The following PCDHA1 variants were observed in gnomAD, a reference collection of about 807,000 sequenced individuals.
The protein encoded by PCDHA1 is protocadherin alpha-1.
A neutral mutation model predicts 61.3 loss-of-function variants in PCDHA1; 42 were observed. That is an observed-to-expected ratio of 0.69 (90% CI 0.54 to 0.89). The LOEUF is 0.89. PCDHA1 is among the 40% of genes least tolerant of loss of function. PCDHA1 has a pLI of 0.00. For synonymous variants in PCDHA1, 610 were observed against 553.8 expected (o/e 1.10, Z -1.43); for missense variants, 1,256 against 1,235.3 (o/e 1.02, Z -0.25).
intron 1 of PCDHA1, chr5:140,796,302 C>A (rs782602329): frequency 6.2e-7 from 1 of 1,614,146 alleles, no homozygotes; most frequent in Admixed American, 1.7e-5. Flanking sequence ...TCGAGGTGGC[C>A]GACGTGAACG....
At position 140,787,147 on chromosome 5, in the gene PCDHA1, C is replaced by T; in HGVS notation, c.857C>T (p.Ser286Phe). The change falls in exon 1 of 4, where the codon TCT becomes TTT. Residue 286 changes from serine (S) to phenylalanine (F), a missense_variant. By Grantham distance (155) the Ser-to-Phe change is radical. Transcript: ENST00000504120. ...GTCTTTTCCTTTGACAGTGGTATTT[C>T]TCGTGACATTCAAGAAAAATTCAAA... ...EVVFSFDSGI[S>F]RDIQEKFKVD... 1 of 1,613,888 alleles carries T rather than the reference C, an allele frequency of 6.2e-7. No homozygotes were observed. Among genetic ancestry groups the T allele is most frequent in the Non-Finnish European group, 8.5e-7 (1 of 1,179,934 alleles).
At position 140,802,792 on chromosome 5, in the gene PCDHA1, A is replaced by G. The variant is rs375690529; in HGVS notation, c.2394+14108A>G. ...GACCACGAGGAGCTAGAGCTGCTGC[A>G]GTTCCAGGTGAGTGCGCGCGATGCG... is the stretch of plus-strand genomic sequence containing the variant. On this transcript the variant is annotated intron_variant, in intron 1 of 3. Coordinates refer to ENST00000504120, the MANE Select transcript of PCDHA1 (RefSeq NM_018900.4). 1 of 1,613,318 alleles carries G rather than the reference A, an allele frequency of 6.2e-7. No homozygotes were observed. The highest frequency in any genetic ancestry group is 1.3e-5 in the African/African-American group (1 of 74,924).
In PCDHA1 at chr5:140,941,202, C is replaced by CCCTTCTTTCTTTCTTTCTTT; in HGVS notation, c.2395-37746_2395-37745insCTTCTTTCTTTCTTTCTTTC. Among the ~76,000 whole-genome samples, 3 of 122,832 alleles carry CCCTTCTTTCTTTCTTTCTTT rather than the reference C, an allele frequency of 2.4e-5. No homozygotes were observed. The East Asian group carries it at 6.6e-4, about 27-fold the overall frequency. The allele number at this position is 122,832 out of a possible 152,430, so 80.6% of individuals were successfully genotyped here. A position where few individuals can be genotyped will look rare whatever the true frequency, so the allele number is the denominator to read the frequency against. On this transcript the variant is annotated intron_variant, in intron 1 of 3. Transcript: ENST00000504120. ...TCCTGCTTCTTTTTTTTTCTTTCTT[C>CCCTTCTTTCTTTCTTTCTTT]CTTTCTTTCTTCCTTTCTTTCTTTC...
chr5:140,880,338 C>T (rs887426306), intron 1 of PCDHA1, among the ~76,000 whole-genome samples: 10 of 152,130 alleles, frequency 6.6e-5, no homozygotes, highest in African/African-American at 1.7e-4. Context: ...AAAAATAAGA[C>T]AGGCAGCAGG....
chr5:140,830,084 GT>G, intron 1 of PCDHA1: 1 of 1,613,714 alleles, frequency 6.2e-7, no homozygotes, highest in Non-Finnish European at 8.5e-7. Flanking sequence ...GACGGCCACG[GT>G]TCTGGTGTCG....
intron 1 of PCDHA1, chr5:140,802,804 G>A: frequency 6.2e-7 from 1 of 1,613,476 alleles, no homozygotes. Flanking sequence ...TTCCAGGTGA[G>A]TGCGCGCGAT....
intron 1 of PCDHA1, among the ~76,000 whole-genome samples, chr5:140,941,215 C>CTT (rs782548958): frequency 1.2e-4 from 13 of 104,510 alleles, no homozygotes; most frequent in African/African-American, 4.4e-4. Flanking sequence ...TTCTTTCTTC[C>CTT]TTTCTTTCTT....
chr5:140,838,075 ATAGTGTGTGTGTGTGT>A (rs1457596432), intron 1 of PCDHA1, among the ~76,000 whole-genome samples: 1,771 of 128,230 alleles, frequency 0.014, 43 homozygotes, highest in African/African-American at 0.016. Flanking sequence ...TTATATATAT[ATAGTGTGTGTGTGTGT>A]GTGTGTGTGT....
rs782144486 is a variant in PCDHA1, at chr5:140,875,746, C to A, written c.2394+87062C>A. ...TTTGTTTGTGAATTCTCGGATCGAC[C>A]GCGAGAAGCTGTGCGGGCGGAGCGC... is the stretch of plus-strand genomic sequence containing the variant. On this transcript the variant is annotated intron_variant, in intron 1 of 3. Coordinates refer to ENST00000504120, the MANE Select transcript of PCDHA1 (RefSeq NM_018900.4). 7.4e-6 allele frequency: 12 copies of A among 1,614,096 alleles called. No homozygotes were observed. In the East Asian group the frequency reaches 2.0e-4, roughly 27 times the overall value.
At position 140,918,968 on chromosome 5, in the gene PCDHA1, G is replaced by A. The variant is rs1028863089; in HGVS notation, c.2395-59981G>A. Among the ~76,000 whole-genome samples, 5 of 152,196 alleles carry A rather than the reference G, an allele frequency of 3.3e-5. 1 individual carries two copies. The highest frequency in any genetic ancestry group is 5.9e-5 in the Non-Finnish European group (4 of 68,034). On this transcript the variant is annotated intron_variant, in intron 1 of 3. Transcript: ENST00000504120. ...TCCTGAACAGACTAAGACAGATATC[G>A]TTTAGGTTAGTTGGTTTTTAGTGTT...
chr5:140,802,772 C>T (rs1763021165), intron 1 of PCDHA1: 16 of 1,613,090 alleles, frequency 9.9e-6, no homozygotes, highest in East Asian at 2.2e-5. Context: ...CGCTGGACCA[C>T]GAGGAGCTAG....
chr5:140,788,009 T>A lies in PCDHA1; in HGVS notation c.1719T>A (p.Thr573=). ...TGCTGGCGCCTCGAGTGGGTGGCAC[T>A]ATTGGTGCAGTCAGTGAGCTGGTGC... ...PALLAPRVGG[T]IGAVSELVPR... Residue 573 remains threonine, a synonymous_variant, in exon 1 of 4, where the codon ACT becomes ACA. Transcript: ENST00000504120. 2 of 1,613,972 alleles carry A rather than the reference T, an allele frequency of 1.2e-6. No homozygotes were observed. Among genetic ancestry groups the A allele is most frequent in the Non-Finnish European group, 1.7e-6 (2 of 1,179,902 alleles).
intron 1 of PCDHA1, chr5:140,843,117 C>T: frequency 6.3e-7 from 1 of 1,595,860 alleles, no homozygotes; most frequent in Non-Finnish European, 8.6e-7. Context: ...GCAGTGGACG[C>T]CGACTCGGGC....
At chr5:140,843,662 G>T in intron 1 of PCDHA1, 1 of 1,593,858 alleles carries the variant, frequency 6.3e-7, no homozygotes, top group South Asian at 1.1e-5. Flanking sequence ...TCCTGATCTG[G>T]GATCAGTTGA....
At chr5:140,879,084 G>T (rs927310887) in intron 1 of PCDHA1, among the ~76,000 whole-genome samples, 1 of 152,174 alleles carries the variant, frequency 6.6e-6, no homozygotes, top group Non-Finnish European at 1.5e-5. Flanking sequence ...AGATAAGTAG[G>T]AACAACTGCA....
chr5:140,796,413 C>A (rs1762079231), intron 1 of PCDHA1: 1 of 1,613,796 alleles, frequency 6.2e-7, no homozygotes, highest in African/African-American at 1.3e-5. Flanking sequence ...GGGATGCGGA[C>A]GCGCAGGAGA....
rs1562832308 is a variant in PCDHA1 at position 140,887,757 on chromosome 5, CAT to C, written c.2395-91189_2395-91188del. 3.3e-5 allele frequency among the ~76,000 whole-genome samples: 5 copies of C among 152,284 alleles called. No homozygotes were observed. In the East Asian group the frequency reaches 9.6e-4, roughly 29 times the overall value. On this transcript the variant is annotated intron_variant, in intron 1 of 3. Transcript: ENST00000504120. ...CATCCTTTCTGAGACTCCAGTAACA[CAT>C]ATGTTACAATGACACAGGTCATTGA...
intron 1 of PCDHA1, chr5:140,809,483 A>G: frequency 6.2e-7 from 1 of 1,614,234 alleles, no homozygotes; most frequent in Non-Finnish European, 8.5e-7. Flanking sequence ...GGGCCCACCC[A>G]AGACCGACCT....
Position 140,848,728 on chromosome 5 carries a change from A to G in PCDHA1, c.2394+60044A>G. On this transcript the variant is annotated intron_variant, in intron 1 of 3. Transcript: ENST00000504120. ...GGCCGCGGGGACCTTCTGGAGGTAAATCTGCAGAATGGCATTTTGTTTGTG... is the reference window on the plus strand; with the variant it reads ...GGCCGCGGGGACCTTCTGGAGGTAAGTCTGCAGAATGGCATTTTGTTTGTG... 5 of 1,592,594 alleles carry G rather than the reference A, an allele frequency of 3.1e-6. No individual in the cohort carries two copies. Among genetic ancestry groups the G allele is most frequent in the South Asian group, 1.1e-5 (1 of 90,116 alleles).
Sources: allele counts gnomAD v4.1 joint callset (sites outside exome capture counted in the v4.1 genomes callset), GRCh38; gene constraint gnomAD v4.1.1; transcripts MANE v1.5; gene names NCBI Gene and HGNC (gene_info 2026-07-23, HGNC 2026-07-21).